Variants in TMCO6 observed in about 807,000 individuals in gnomAD.
The protein encoded by TMCO6 is transmembrane and coiled-coil domains 6, also known as transmembrane and coiled-coil domain-containing protein 6.
TMCO6 carries 47 observed loss-of-function variants against 61.8 expected under a neutral mutation model. The ratio of observed to expected loss-of-function variants is 0.76; its 90% CI spans 0.60 to 0.97. The LOEUF (loss-of-function observed/expected upper bound fraction) is 0.97, where lower values mean the gene tolerates loss of function less well. TMCO6 is among the 50% of genes least tolerant of loss of function. The probability of loss-of-function intolerance (pLI) is 0.00; values close to 1 mark genes in which losing one functional copy is unlikely to be tolerated. For synonymous variants in TMCO6, 261 were observed against 254.2 expected, an observed-to-expected ratio of 1.03 and a Z score of -0.25; for missense variants, 557 against 601.6, an observed-to-expected ratio of 0.93 and a Z score of 0.78.
the TMCO6 span, among the ~76,000 whole-genome samples, chr5:140,607,262 T>C: frequency 6.6e-6 from 1 of 152,188 alleles, no homozygotes; most frequent in Non-Finnish European, 1.5e-5. Context: ...TTACCTATTA[T>C]AGATACTCAG....
At chr5:140,628,834 G>A in the TMCO6 span, among the ~76,000 whole-genome samples, 80,862 of 151,942 alleles carry the variant, frequency 0.53, 21,773 homozygotes, top group African/African-American at 0.56. Flanking sequence ...ACTGAACACA[G>A]GCACTGCTAT....
chr5:140,607,578 AT>A, the TMCO6 span, among the ~76,000 whole-genome samples: 16 of 152,178 alleles, frequency 1.1e-4, no homozygotes, highest in Admixed American at 7.9e-4. Context: ...TTATTGGATT[AT>A]ATGGTAAAAT....
the TMCO6 span, among the ~76,000 whole-genome samples, chr5:140,612,441 G>A: frequency 2.7e-5 from 4 of 146,392 alleles, no homozygotes; most frequent in Admixed American, 2.1e-4. Context: ...CCGGGTTCAC[G>A]CCATTCTCCT....
the TMCO6 span, among the ~76,000 whole-genome samples, chr5:140,627,915 T>C: frequency 6.6e-6 from 1 of 151,800 alleles, no homozygotes; most frequent in Non-Finnish European, 1.5e-5. Flanking sequence ...AAAAAACAAG[T>C]AACATATCTG....
At chr5:140,606,893 G>A in the TMCO6 span, among the ~76,000 whole-genome samples, 24 of 152,158 alleles carry the variant, frequency 1.6e-4, no homozygotes, top group South Asian at 4.6e-3. Context: ...AAGATGTGGG[G>A]GTGGAATACA....
At chr5:140,642,825 AGGGCTTT>A in intron 6 of TMCO6, 93 bp from the exon 7 acceptor site, 1 of 1,602,534 alleles carries the variant, frequency 6.2e-7, no homozygotes, top group Non-Finnish European at 8.5e-7. Context: ...CCATCTGGGC[AGGGCTTT>A]GGGTTTGGAC....
the TMCO6 span, among the ~76,000 whole-genome samples, chr5:140,622,491 T>C: frequency 3.3e-5 from 5 of 152,140 alleles, no homozygotes; most frequent in Non-Finnish European, 7.4e-5. Flanking sequence ...AGACTGTCAC[T>C]GGCTGTAGTG....
downstream of TMCO6, among the ~76,000 whole-genome samples, chr5:140,646,167 C>T (rs2563331): frequency 0.2 from 29,994 of 151,858 alleles, 2,965 homozygotes; most frequent in Non-Finnish European, 0.2. Context: ...CCCGCCACCA[C>T]ACCCGGCTAA....
chr5:140,631,349 G>A, the TMCO6 span, among the ~76,000 whole-genome samples: 2 of 152,178 alleles, frequency 1.3e-5, no homozygotes, highest in Non-Finnish European at 2.9e-5. Flanking sequence ...GTGTGTGTGT[G>A]TGAGAGAGAG....
At chr5:140,624,228 G>A in the TMCO6 span, among the ~76,000 whole-genome samples, 1 of 151,998 alleles carries the variant, frequency 6.6e-6, no homozygotes, top group Non-Finnish European at 1.5e-5. Flanking sequence ...AGCCAGGCCT[G>A]GTGGTGCCTG....
At chr5:140,629,666 G>A in the TMCO6 span, among the ~76,000 whole-genome samples, 2 of 152,088 alleles carry the variant, frequency 1.3e-5, no homozygotes, top group East Asian at 3.9e-4. Context: ...GGGTGTGGTG[G>A]CTCATGCCTG....
chr5:140,622,001 G>T, the TMCO6 span, among the ~76,000 whole-genome samples: 1 of 152,018 alleles, frequency 6.6e-6, no homozygotes, highest in Non-Finnish European at 1.5e-5. Flanking sequence ...ATTTCGTCTC[G>T]GTCCTTGTGG....
chr5:140,639,209 C>T (rs1006035684), upstream of TMCO6: 3 of 302,826 alleles, frequency 9.9e-6, no homozygotes, highest in African/African-American at 4.6e-5. Context: ...TAGATTGTGA[C>T]ACTGCTGGCT....
the TMCO6 span, among the ~76,000 whole-genome samples, chr5:140,601,430 T>C: frequency 6.6e-6 from 1 of 152,194 alleles, no homozygotes; most frequent in Non-Finnish European, 1.5e-5. Flanking sequence ...CCAAACAAGG[T>C]TGGATAAATC....
chr5:140,625,826 A>G, the TMCO6 span, among the ~76,000 whole-genome samples: 29 of 152,232 alleles, frequency 1.9e-4, no homozygotes, highest in African/African-American at 6.8e-4. Context: ...GGCAAAGGAA[A>G]GAATGGCTAG....
chr5:140,632,978 C>G, the TMCO6 span: 1 of 1,614,162 alleles, frequency 6.2e-7, no homozygotes. This position sits in a 1 kb window ranked among gnomAD's most constrained non-coding sequence, Gnocchi z 6.2. Flanking sequence ...AGGACGCGCG[C>G]TCCTGGGGAG....
At chr5:140,638,130 A>C (rs1421944740), upstream of TMCO6, among the ~76,000 whole-genome samples, 6 of 152,358 alleles carry the variant, frequency 3.9e-5, no homozygotes, top group East Asian at 1.2e-3. Flanking sequence ...GCCAGTCGCC[A>C]TGAGAGCACA....
chr5:140,636,533 A>T (rs1024608509), upstream of TMCO6, among the ~76,000 whole-genome samples: 17 of 151,630 alleles, frequency 1.1e-4, no homozygotes, highest in Admixed American at 4.6e-4. Flanking sequence ...AAGAAAATAA[A>T]TTTTTTTTAA....
chr5:140,646,993 T>G (rs1757440542), downstream of TMCO6: 7 of 426,498 alleles, frequency 1.6e-5, no homozygotes, highest in Admixed American at 4.2e-5. Flanking sequence ...CTCTCCTGTC[T>G]GAAGCCCATT....
Sources: gnomAD v4.1 joint callset for allele counts (sites outside exome capture counted in the v4.1 genomes callset) on GRCh38, gnomAD v4.1.1 for gene constraint, Gnocchi (gnomAD v3.1) non-coding constraint, MANE v1.5 for transcripts, NCBI Gene and HGNC (gene_info 2026-07-23, HGNC 2026-07-21) for gene names.